The following PRKCB variants were observed in gnomAD, a reference collection of about 807,000 sequenced individuals.
The protein encoded by PRKCB is protein kinase C beta.
Under a neutral mutation model 81.5 loss-of-function variants are expected in PRKCB, and 13 were observed. The ratio of observed to expected loss-of-function variants is 0.16; its 90% CI spans 0.10 to 0.25. The LOEUF is 0.25. Among genes scored for constraint, PRKCB ranks in the 10% least tolerant of loss-of-function variants. The pLI, the probability that PRKCB is intolerant of heterozygous loss-of-function variation, is 1.00. For missense variants in PRKCB, 509 were observed against 875.7 expected (o/e 0.58, Z 5.29); for synonymous variants, 335 against 321.4 (o/e 1.04, Z -0.45).
chr16:23,999,611 C>G (rs1162487410), intron 3 of PRKCB, among the ~76,000 whole-genome samples: 1 of 152,168 alleles, frequency 6.6e-6, no homozygotes, highest in Non-Finnish European at 1.5e-5. Context: ...CTTGATCTCA[C>G]CAGGCAGGAA....
chr16:24,174,506 T>C lies in PRKCB; in HGVS notation c.1332-12T>C. 6.2e-7 allele frequency: 1 copy of C among 1,608,124 alleles called. No homozygotes were observed. The highest frequency in any genetic ancestry group is 2.2e-5 in the East Asian group (1 of 44,842). On this transcript the variant is annotated splice_polypyrimidine_tract_variant and intron_variant, in intron 11 of 16. Transcript: ENST00000643927. ...AGTTTCTCCATCGCTTTTTTTTTTTTTTTAATTTCAGATTTTACGCTGCAG... is the reference window on the plus strand; with the variant it reads ...AGTTTCTCCATCGCTTTTTTTTTTTCTTTAATTTCAGATTTTACGCTGCAG...
rs569970427 is a variant in PRKCB, at chr16:23,979,408, A to T, written c.206-9100A>T. On this transcript the variant is annotated intron_variant, in intron 2 of 16. Coordinates refer to ENST00000643927, the MANE Select transcript of PRKCB (RefSeq NM_002738.7). The stretch of plus-strand genomic sequence containing the variant: ...CTCATTTAGATTTTTGTTAACACTC[A>T]TGTGCCATTCGGTGGATTTAGATCC... 9.9e-5 allele frequency among the ~76,000 whole-genome samples: 15 copies of T among 151,132 alleles called. No homozygotes were observed. In the South Asian group the frequency reaches 2.9e-3, roughly 29 times the overall value.
chr16:23,918,382 T>TTTA lies in PRKCB; in HGVS notation c.206-70126_206-70125insTTA, dbSNP rs1419128166. ...AGACTTGTTCTTTGTGTTACCTTTT[T>TTTA]ATTATTATTATTATTATTATTTTTT... On this transcript the variant is annotated intron_variant, in intron 2 of 16. Coordinates refer to ENST00000643927, the MANE Select transcript of PRKCB (RefSeq NM_002738.7). Among the ~76,000 whole-genome samples, 18 of 102,154 alleles carry TTTA rather than the reference T, an allele frequency of 1.8e-4. 1 individual carries two copies. The highest frequency in any genetic ancestry group is 1.3e-3 in the East Asian group (4 of 3,112). The allele number at this position is 102,154 out of a possible 152,430, so 67.0% of individuals were successfully genotyped here.
At chr16:24,021,072 C>CTTCTTTCTTTCTTTCT (rs1555491074) in intron 3 of PRKCB, among the ~76,000 whole-genome samples, 4 of 94,372 alleles carry the variant, frequency 4.2e-5, no homozygotes, top group African/African-American at 1.3e-4. Flanking sequence ...CCCTCCCTCC[C>CTTCTTTCTTTCTTTCT]TTCTTTCTTT....
chr16:24,168,103 A>G (rs1316044140), intron 10 of PRKCB, among the ~76,000 whole-genome samples: 1 of 152,200 alleles, frequency 6.6e-6, no homozygotes, highest in East Asian at 1.9e-4. Flanking sequence ...TGTATGGAAG[A>G]TTTTTTTAAA....
intron 2 of PRKCB, among the ~76,000 whole-genome samples, chr16:23,929,533 G>T (rs929240671): frequency 4.6e-5 from 7 of 152,104 alleles, no homozygotes; most frequent in Admixed American, 4.6e-4. Context: ...AAGGCATTCT[G>T]CAGTGTCTGG....
chr16:24,023,647 C>T (rs12446562), intron 3 of PRKCB, among the ~76,000 whole-genome samples: 61,947 of 151,950 alleles, frequency 0.41, 12,944 homozygotes, highest in South Asian at 0.62. Context: ...GGATTACAGA[C>T]GTGAGCCACC....
rs139288945 is a variant in PRKCB at position 23,980,204 on chromosome 16, C to T, written c.206-8304C>T. 3.6e-3 allele frequency among the ~76,000 whole-genome samples: 541 copies of T among 152,366 alleles called. 4 individuals are homozygous for T. Among genetic ancestry groups the T allele is most frequent in the African/African-American group, 0.013 (520 of 41,582 alleles). ...TAGCATGACCCTGTGAGTCACTCTT[C>T]TTAGTGCTGGTGAGACCAGCCATTG... On this transcript the variant is annotated intron_variant, in intron 2 of 16. Transcript: ENST00000643927.
At chr16:24,192,963 T>G (rs997925795) in intron 16 of PRKCB, among the ~76,000 whole-genome samples, 1 of 151,816 alleles carries the variant, frequency 6.6e-6, no homozygotes, top group African/African-American at 2.4e-5. Flanking sequence ...TCATCTCCTT[T>G]TTTTTCTTTT....
intron 5 of PRKCB, among the ~76,000 whole-genome samples, chr16:24,059,169 C>T (rs987808325): frequency 1.3e-5 from 2 of 151,978 alleles, no homozygotes; most frequent in Admixed American, 6.6e-5. Context: ...ATCTGTATAT[C>T]CAGAGATCCG....
At chr16:23,972,294 T>C (rs1479880650) in intron 2 of PRKCB, among the ~76,000 whole-genome samples, 1 of 152,230 alleles carries the variant, frequency 6.6e-6, no homozygotes, top group East Asian at 1.9e-4. Context: ...GTGGTGCCCA[T>C]GCTCTGTATC....
chr16:23,845,590 G>A (rs992590799), intron 2 of PRKCB, among the ~76,000 whole-genome samples: 2 of 152,134 alleles, frequency 1.3e-5, no homozygotes, highest in African/African-American at 2.4e-5. Context: ...AGACCAGCCT[G>A]GGCAACATAA....
intron 2 of PRKCB, among the ~76,000 whole-genome samples, chr16:23,971,273 T>A (rs1292301338): frequency 6.6e-6 from 1 of 152,178 alleles, no homozygotes; most frequent in Admixed American, 6.5e-5. Flanking sequence ...ATGTTGTAGG[T>A]GTAGCGGGCA....
chr16:23,844,220 A>G (rs989943290), intron 2 of PRKCB, among the ~76,000 whole-genome samples: 1 of 152,222 alleles, frequency 6.6e-6, no homozygotes, highest in African/African-American at 2.4e-5. Context: ...AATAACATGA[A>G]TTCTTTGACT....
At chr16:24,056,634 T>C (rs1018149717) in intron 5 of PRKCB, among the ~76,000 whole-genome samples, 3 of 152,084 alleles carry the variant, frequency 2.0e-5, no homozygotes, top group Non-Finnish European at 4.4e-5. Flanking sequence ...GAGTTCTCGC[T>C]CCATGTTCAC....
At chr16:24,168,205 G>T (rs1967376813) in intron 10 of PRKCB, among the ~76,000 whole-genome samples, 1 of 152,274 alleles carries the variant, frequency 6.6e-6, no homozygotes, top group South Asian at 2.1e-4. Context: ...AGTGAAAAAT[G>T]TCCCATCTAC....
intron 5 of PRKCB, among the ~76,000 whole-genome samples, chr16:24,083,730 T>C (rs1346197397): frequency 6.6e-6 from 1 of 152,182 alleles, no homozygotes; most frequent in Non-Finnish European, 1.5e-5. Flanking sequence ...TCCGAGGTGA[T>C]AGAACTCTTC....
intron 10 of PRKCB, among the ~76,000 whole-genome samples, chr16:24,159,030 C>A (rs1453280174): frequency 1.3e-5 from 2 of 152,188 alleles, no homozygotes; most frequent in Non-Finnish European, 2.9e-5. Context: ...ATCCCTCCTG[C>A]AGGCCTGTCT....
chr16:23,978,001 A>G (rs145528862), intron 2 of PRKCB, among the ~76,000 whole-genome samples: 3 of 152,238 alleles, frequency 2.0e-5, no homozygotes, highest in Non-Finnish European at 4.4e-5. Context: ...CGTGAATCTG[A>G]TCTCACCTTC....
Sources: gnomAD v4.1 joint callset for allele counts (sites outside exome capture counted in the v4.1 genomes callset) on GRCh38, gnomAD v4.1.1 for gene constraint, MANE v1.5 for transcripts, NCBI Gene and HGNC (gene_info 2026-07-23, HGNC 2026-07-21) for gene names.